The following DNAH7 variants were observed in gnomAD, a reference collection of about 807,000 sequenced individuals.
The protein encoded by DNAH7 is dynein axonemal heavy chain 7, also known as axonemal beta dynein heavy chain 7.
A neutral mutation model predicts 444.6 loss-of-function variants in DNAH7; 397 were observed. That is an observed-to-expected ratio of 0.89 (90% CI 0.82 to 0.97). The LOEUF is 0.97. Among genes scored for constraint, DNAH7 ranks in the 50% least tolerant of loss-of-function variants. The pLI, the probability that DNAH7 is intolerant of heterozygous loss-of-function variation, is 0.00. For synonymous variants in DNAH7, 1,636 were observed against 1,624.4 expected (o/e 1.01, Z -0.17); for missense variants, 4,902 against 4,800.8 (o/e 1.02, Z -0.62).
At chr2:195,899,973 G>T (rs1271253394) in intron 28 of DNAH7, among the ~76,000 whole-genome samples, 1 of 151,980 alleles carries the variant, frequency 6.6e-6, no homozygotes, top group Non-Finnish European at 1.5e-5. Flanking sequence ...TTCATTTAAT[G>T]CTATATTTGT....
intron 24 of DNAH7, among the ~76,000 whole-genome samples, chr2:195,915,605 G>A (rs866004195): frequency 5.3e-5 from 8 of 152,154 alleles, no homozygotes; most frequent in South Asian, 2.1e-4. Context: ...GCCATATGAA[G>A]GAAACTTATA....
chr2:196,042,537 G>C (rs1036058733), intron 5 of DNAH7, among the ~76,000 whole-genome samples: 2 of 151,882 alleles, frequency 1.3e-5, no homozygotes, highest in African/African-American at 4.8e-5. Flanking sequence ...TAAAAAAAGG[G>C]CCAAATATTT....
At chr2:195,987,821 AC>A (rs1280978909) in intron 13 of DNAH7, 135 bp downstream of exon 13, 11 of 855,106 alleles carry the variant, frequency 1.3e-5, no homozygotes, top group Non-Finnish European at 1.8e-5. Flanking sequence ...TGCTAGGGAC[AC>A]ATCAGAAGCT....
intron 47 of DNAH7, among the ~76,000 whole-genome samples, chr2:195,839,562 C>G (rs1444375916): frequency 6.6e-6 from 1 of 151,416 alleles, no homozygotes; most frequent in East Asian, 1.9e-4. Context: ...TGGAGAAAAA[C>G]AATGCAACCA....
intron 17 of DNAH7, among the ~76,000 whole-genome samples, chr2:195,965,602 T>C (rs1691419391): frequency 6.6e-6 from 1 of 152,158 alleles, no homozygotes; most frequent in African/African-American, 2.4e-5. Context: ...CCTGGGTTTT[T>C]CTTTACTGGG....
At chr2:195,961,306 T>G (rs935262604) in intron 17 of DNAH7, among the ~76,000 whole-genome samples, 4 of 152,210 alleles carry the variant, frequency 2.6e-5, no homozygotes, top group African/African-American at 9.6e-5. Flanking sequence ...TGCTATTAGC[T>G]GTAGTTACCA....
chr2:195,763,647 G>A (rs1280904792), intron 61 of DNAH7, among the ~76,000 whole-genome samples: 2 of 151,864 alleles, frequency 1.3e-5, no homozygotes, highest in South Asian at 2.1e-4. Flanking sequence ...GAAATTCCTA[G>A]AAACATACAA....
rs1424347444 is a variant in DNAH7, at chr2:196,005,294, ACAAAC to A, written c.990-3441_990-3437del. 6.1e-3 allele frequency among the ~76,000 whole-genome samples: 914 copies of A among 150,328 alleles called. 4 individuals carry two copies. Among genetic ancestry groups the A allele is most frequent in the African/African-American group, 0.021 (865 of 40,302 alleles). ...ATCTCCAAAACAAACAAACAAACAA[ACAAAC>A]AAACAAAAATATATATATATATATA... On this transcript the variant is annotated intron_variant, in intron 10 of 64. Coordinates refer to ENST00000312428, the MANE Select transcript of DNAH7 (RefSeq NM_018897.3).
intron 24 of DNAH7, among the ~76,000 whole-genome samples, chr2:195,912,423 G>A (rs1049439321): frequency 1.3e-5 from 2 of 152,186 alleles, no homozygotes; most frequent in Non-Finnish European, 2.9e-5. Flanking sequence ...CAAAACAAAT[G>A]TATGTCTATC....
intron 5 of DNAH7, among the ~76,000 whole-genome samples, chr2:196,039,613 C>T (rs567470148): frequency 2.6e-5 from 4 of 152,102 alleles, no homozygotes; most frequent in Admixed American, 6.5e-5. Flanking sequence ...GCCTGGCCAA[C>T]GTGGCAAAAC....
chr2:195,846,372 G>A lies in DNAH7; in HGVS notation c.8782-1207C>T, dbSNP rs190936894. 1.2e-3 allele frequency among the ~76,000 whole-genome samples: 183 copies of A among 152,224 alleles called. 4 individuals are homozygous for A. Among genetic ancestry groups the A allele is most frequent in the Non-Finnish European group, 1.5e-5 (1 of 68,006 alleles). ...GTGAAAAAACAACAGATGCTGGCGAGGTCACAGAGAAATGGGACTGCTTAT... is the reference window on the plus strand; with the variant it reads ...GTGAAAAAACAACAGATGCTGGCGAAGTCACAGAGAAATGGGACTGCTTAT... On this transcript the variant is annotated intron_variant, in intron 46 of 64. Transcript: ENST00000312428.
chr2:195,846,949 ATG>A (rs35075325), intron 46 of DNAH7, among the ~76,000 whole-genome samples: 528 of 136,884 alleles, frequency 3.9e-3, no homozygotes, highest in East Asian at 0.01. Context: ...ACTCCCATAT[ATG>A]TGTGTGTGTG....
chr2:196,011,482 A>T (rs893164792), intron 10 of DNAH7, among the ~76,000 whole-genome samples: 1 of 152,158 alleles, frequency 6.6e-6, no homozygotes, highest in African/African-American at 2.4e-5. Context: ...GAAGAACTAG[A>T]GAAACACAGC....
chr2:196,065,231 T>C (rs928462032), intron 1 of DNAH7, among the ~76,000 whole-genome samples: 4 of 152,218 alleles, frequency 2.6e-5, no homozygotes, highest in Non-Finnish European at 4.4e-5. Flanking sequence ...CTGACTCTTC[T>C]CTCTTTTGAA....
At chr2:195,803,427 G>A (rs2124826858) in intron 54 of DNAH7, among the ~76,000 whole-genome samples, 1 of 152,358 alleles carries the variant, frequency 6.6e-6, no homozygotes, top group South Asian at 2.1e-4. Context: ...ACAAATTGCA[G>A]TGTTTCACTC....
chr2:195,926,370 GCAAT>G, intron 22 of DNAH7, 52 bp downstream of exon 22: 1 of 1,364,714 alleles, frequency 7.3e-7, no homozygotes, highest in Non-Finnish European at 9.6e-7. Context: ...GTGTATTCTG[GCAAT>G]AATACTATTG....
At chr2:195,914,549 C>T (rs1687553622) in intron 24 of DNAH7, among the ~76,000 whole-genome samples, 1 of 152,022 alleles carries the variant, frequency 6.6e-6, no homozygotes, top group Non-Finnish European at 1.5e-5. Context: ...TAATTCTGAA[C>T]CACTTGCCCT....
intron 63 of DNAH7, among the ~76,000 whole-genome samples, chr2:195,743,294 G>T (rs1427822205): frequency 6.6e-6 from 1 of 152,184 alleles, no homozygotes; most frequent in Non-Finnish European, 1.5e-5. Flanking sequence ...CTTGCAGACG[G>T]CTTATCGTGG....
intron 51 of DNAH7, among the ~76,000 whole-genome samples, chr2:195,816,285 G>A (rs760721637): frequency 2.0e-5 from 3 of 152,220 alleles, no homozygotes; most frequent in Non-Finnish European, 2.9e-5. Context: ...CTTTTAGAAT[G>A]CCAGTTCGTA....
Sources: allele counts gnomAD v4.1 joint callset (sites outside exome capture counted in the v4.1 genomes callset), GRCh38; gene constraint gnomAD v4.1.1; transcripts MANE v1.5; gene names NCBI Gene and HGNC (gene_info 2026-07-23, HGNC 2026-07-21).